The following FBXL7 variants were observed in gnomAD, a reference collection of about 807,000 sequenced individuals.
FBXL7 encodes F-box and leucine rich repeat protein 7, also known as F-box/LRR-repeat protein 7.
FBXL7 carries 12 observed loss-of-function variants against 38.3 expected under a neutral mutation model. The observed-to-expected ratio is 0.31, with a 90% CI of 0.20 to 0.51. FBXL7 has a LOEUF of 0.51. Ranked by LOEUF, FBXL7 falls within the 20% of genes least tolerant of loss-of-function variation. The probability of loss-of-function intolerance (pLI) is 0.98; values close to 1 mark genes in which losing one functional copy is unlikely to be tolerated. For synonymous variants in FBXL7, 297 were observed against 300.9 expected (o/e 0.99, Z 0.13); for missense variants, 567 against 676.4 (o/e 0.84, Z 1.79).
chr5:15,879,800 A>G (rs1038724126), intron 2 of FBXL7, among the ~76,000 whole-genome samples: 1 of 152,212 alleles, frequency 6.6e-6, no homozygotes, highest in African/African-American at 2.4e-5. Flanking sequence ...ATGATAATAC[A>G]GAGATCAATA....
chr5:15,571,655 G>A (rs558906296), intron 1 of FBXL7, among the ~76,000 whole-genome samples: 45 of 152,002 alleles, frequency 3.0e-4, no homozygotes, highest in Non-Finnish European at 5.6e-4. Flanking sequence ...ATGACATTTC[G>A]ACAGAGTTGC....
chr5:15,529,543 G>A (rs916643800), intron 1 of FBXL7, among the ~76,000 whole-genome samples: 7 of 151,956 alleles, frequency 4.6e-5, no homozygotes, highest in Non-Finnish European at 8.8e-5. Flanking sequence ...CCGCCACCAT[G>A]CCCGGCTAAT....
In FBXL7 at chr5:15,682,760, T is replaced by C. The variant is rs75466160; in HGVS notation, c.127+66688T>C. 6.6e-3 allele frequency among the ~76,000 whole-genome samples: 999 copies of C among 152,312 alleles called. 12 individuals carry two copies. Among genetic ancestry groups the C allele is most frequent in the African/African-American group, 0.023 (949 of 41,572 alleles). On this transcript the variant is annotated intron_variant, in intron 2 of 3. Transcript: ENST00000504595. The stretch of plus-strand genomic sequence containing the variant: ...GGAAAGCTGCTTACAACTACATGTG[T>C]GTGCAGGCTGCATCTTAACTGATGG...
At chr5:15,637,360 C>G (rs373617706) in intron 2 of FBXL7, among the ~76,000 whole-genome samples, 1 of 152,062 alleles carries the variant, frequency 6.6e-6, no homozygotes, top group Non-Finnish European at 1.5e-5. Flanking sequence ...GAGGAAATCA[C>G]AAATGATCTA....
At chr5:15,549,142 T>C (rs1737995100) in intron 1 of FBXL7, among the ~76,000 whole-genome samples, 1 of 152,150 alleles carries the variant, frequency 6.6e-6, no homozygotes, top group South Asian at 2.1e-4. Flanking sequence ...TTCCCTTTGG[T>C]TTAATTTAGA....
At chr5:15,606,953 GCA>G (rs1740046038) in intron 1 of FBXL7, 1 of 152,110 alleles carries the variant, frequency 6.6e-6, no homozygotes, top group Admixed American at 6.6e-5. Flanking sequence ...AAACTAATAT[GCA>G]CCTGGGCCAG....
At chr5:15,847,519 C>T (rs1249214649) in intron 2 of FBXL7, among the ~76,000 whole-genome samples, 2 of 152,040 alleles carry the variant, frequency 1.3e-5, no homozygotes, top group Non-Finnish European at 1.5e-5. Context: ...CCATATCAGC[C>T]CCCACAATAT....
At chr5:15,785,505 G>A (rs1224421394) in intron 2 of FBXL7, among the ~76,000 whole-genome samples, 3 of 152,160 alleles carry the variant, frequency 2.0e-5, no homozygotes, top group South Asian at 2.1e-4. Flanking sequence ...GGAAGAAGAG[G>A]GCAATAGTAG....
intron 2 of FBXL7, among the ~76,000 whole-genome samples, chr5:15,729,721 T>A (rs1255769324): frequency 6.6e-6 from 1 of 152,174 alleles, no homozygotes; most frequent in Non-Finnish European, 1.5e-5. Flanking sequence ...TGGAAATAAA[T>A]GTGAGCCGTA....
At chr5:15,716,576 T>C (rs1401167490) in intron 2 of FBXL7, among the ~76,000 whole-genome samples, 1 of 152,202 alleles carries the variant, frequency 6.6e-6, no homozygotes, top group Non-Finnish European at 1.5e-5. Context: ...ATTCTTCCTC[T>C]GCAACTTCTC....
intron 1 of FBXL7, among the ~76,000 whole-genome samples, chr5:15,543,718 A>T (rs1737821995): frequency 6.6e-6 from 1 of 152,168 alleles, no homozygotes; most frequent in African/African-American, 2.4e-5. Context: ...TTAGCTAAGG[A>T]TCAAGCCAAC....
intron 1 of FBXL7, among the ~76,000 whole-genome samples, chr5:15,599,028 G>A (rs779983815): frequency 6.6e-6 from 1 of 152,174 alleles, no homozygotes; most frequent in Non-Finnish European, 1.5e-5. Context: ...CTCTGTAGCT[G>A]CCATTTATAC....
chr5:15,597,700 G>A (rs1370964805), intron 1 of FBXL7, among the ~76,000 whole-genome samples: 3 of 152,074 alleles, frequency 2.0e-5, no homozygotes, highest in Non-Finnish European at 2.9e-5. Flanking sequence ...AAAGTAGTTC[G>A]AATGTTCCCT....
At chr5:15,651,401 C>A (rs1479413628) in intron 2 of FBXL7, among the ~76,000 whole-genome samples, 1 of 152,102 alleles carries the variant, frequency 6.6e-6, no homozygotes, top group Non-Finnish European at 1.5e-5. Context: ...GGCCAACATA[C>A]TTCTTAATAA....
intron 1 of FBXL7, among the ~76,000 whole-genome samples, chr5:15,586,646 G>T (rs1234183724): frequency 6.6e-6 from 1 of 152,038 alleles, no homozygotes; most frequent in Non-Finnish European, 1.5e-5. Flanking sequence ...ATGAAGAATT[G>T]TCTACAGTCC....
At chr5:15,641,551 C>T (rs1188099213) in intron 2 of FBXL7, among the ~76,000 whole-genome samples, 1 of 150,736 alleles carries the variant, frequency 6.6e-6, no homozygotes, top group Non-Finnish European at 1.5e-5. Context: ...GTCAACTTGA[C>T]CAGGTCATAG....
chr5:15,862,691 G>C (rs1739527515), intron 2 of FBXL7, among the ~76,000 whole-genome samples: 1 of 152,156 alleles, frequency 6.6e-6, no homozygotes, highest in South Asian at 2.1e-4. Flanking sequence ...GGCTGAGTTG[G>C]GTCCCCTGCC....
chr5:15,796,432 C>T (rs1737417707), intron 2 of FBXL7, among the ~76,000 whole-genome samples: 1 of 151,952 alleles, frequency 6.6e-6, no homozygotes, highest in Non-Finnish European at 1.5e-5. Context: ...CAACAGAGAC[C>T]ATTTGGCCTG....
intron 1 of FBXL7, among the ~76,000 whole-genome samples, chr5:15,596,889 A>G (rs1156430884): frequency 6.6e-6 from 1 of 152,314 alleles, no homozygotes; most frequent in East Asian, 1.9e-4. Flanking sequence ...CGCCCTGTGC[A>G]TCTCTTCATC....
Sources: allele counts gnomAD v4.1 joint callset (sites outside exome capture counted in the v4.1 genomes callset), GRCh38; gene constraint gnomAD v4.1.1; transcripts MANE v1.5; gene names NCBI Gene and HGNC (gene_info 2026-07-23, HGNC 2026-07-21).